Variants in PCNX4 observed in about 807,000 individuals in gnomAD.
PCNX4 encodes the protein pecanex-like protein 4.
PCNX4 carries 103 observed loss-of-function variants against 107.2 expected under a neutral mutation model. The ratio of observed to expected loss-of-function variants is 0.96; its 90% CI spans 0.82 to 1.13. The LOEUF is 1.13. Ranked by LOEUF, PCNX4 falls within the 50% of genes most tolerant of loss-of-function variation. The pLI is 0.00. For missense variants in PCNX4, 1,528 were observed against 1,379.4 expected (o/e 1.11, Z -1.71); for synonymous variants, 541 against 481.7 (o/e 1.12, Z -1.61).
intron 1 of PCNX4, among the ~76,000 whole-genome samples, chr14:60,103,357 T>G (rs75114074): frequency 0.03 from 4,534 of 152,298 alleles, 201 homozygotes; most frequent in East Asian, 0.15. Flanking sequence ...CAGAAGTGTT[T>G]TTTAATTTCA....
At chr14:60,110,997 A>G (rs576600611) in intron 2 of PCNX4, 3 of 167,158 alleles carry the variant, frequency 1.8e-5, no homozygotes, top group African/African-American at 7.2e-5. Flanking sequence ...GATGCCAAAG[A>G]GCTTGATGTC....
intron 1 of PCNX4, among the ~76,000 whole-genome samples, chr14:60,093,838 G>A (rs1481357104): frequency 2.0e-5 from 3 of 152,138 alleles, no homozygotes; most frequent in Non-Finnish European, 4.4e-5. Flanking sequence ...TTTCTCCACA[G>A]TCTCATGAAT....
At chr14:60,125,391 T>A in intron 9 of PCNX4, 140 bp downstream of exon 9, 1 of 980,744 alleles carries the variant, frequency 1.0e-6, no homozygotes, top group Middle Eastern at 3.2e-4. Context: ...GTTTCATGTG[T>A]AGTGTGATTG....
Position 60,118,642 on chromosome 14 carries a change from T to A in PCNX4, c.1892T>A (p.Val631Glu). Residue 631 changes from valine (V) to glutamate (E), a missense_variant, in exon 7 of 11, where the codon GTG (valine) becomes GAG (glutamate). By Grantham distance (121) the Val-to-Glu change is moderately radical. Coordinates refer to ENST00000406854, the MANE Select transcript of PCNX4 (RefSeq NM_001330177.2). ...CADTVYYYQM[V>E]PRLTAVLQTA... is the part of the protein sequence containing the mutation. ...GATACAGTGTACTACTACCAAATGG[T>A]GCCCAGGTTGACTGCTGTACTGCAG... is the stretch of plus-strand genomic sequence containing the variant. 6.2e-7 allele frequency: 1 copy of A among 1,613,088 alleles called. No homozygotes were observed.
rs1895303624 is a variant in PCNX4 at position 60,092,040 on chromosome 14, G to A, written c.-433G>A. 1 of 152,414 alleles carries A rather than the reference G, an allele frequency of 6.6e-6. No individual in the cohort carries two copies. The highest frequency in any genetic ancestry group is 2.4e-5 in the African/African-American group (1 of 41,484). 9.4% of individuals were successfully genotyped at this position (152,414 alleles called of 1,614,324 possible). On this transcript the variant is annotated 5_prime_UTR_variant, in exon 1 of 11. Coordinates refer to ENST00000406854, the MANE Select transcript of PCNX4 (RefSeq NM_001330177.2). ...GACTCCCGTCGTCCCCGGCCAGGCA[G>A]ATGTTGGCCTAGTCCTGGCGCGAAC...
chr14:60,098,990 C>G (rs1895481125), intron 1 of PCNX4, among the ~76,000 whole-genome samples: 1 of 151,928 alleles, frequency 6.6e-6, no homozygotes, highest in Non-Finnish European at 1.5e-5. Context: ...AGCTGTCTAT[C>G]CATGGCATGG....
chr14:60,095,683 C>A (rs1895410368), intron 1 of PCNX4, among the ~76,000 whole-genome samples: 1 of 151,666 alleles, frequency 6.6e-6, no homozygotes, highest in African/African-American at 2.4e-5. Flanking sequence ...TTGGTTTTTC[C>A]TCCCTTTTTT....
Position 60,125,151 on chromosome 14 carries a change from C to A in PCNX4, c.2980C>A (p.His994Asn). The change falls in exon 9 of 11, where the codon CAT (histidine) becomes AAT (asparagine). Residue 994 changes from histidine to asparagine, a missense_variant. Physicochemically the swap from His to Asn is moderately conservative, Grantham distance 68. Coordinates refer to ENST00000406854, the MANE Select transcript of PCNX4 (RefSeq NM_001330177.2). The stretch of plus-strand genomic sequence containing the variant: ...AGACAATATGGCTCCTAGTCCTGGT[C>A]ATATATTGAGAGTTTACGGTGGTGT... ...GIDNMAPSPG[H>N]ILRVYGGVLP... 2 of 1,612,624 alleles carry A rather than the reference C, an allele frequency of 1.2e-6. No individual in the cohort carries two copies. Among genetic ancestry groups the A allele is most frequent in the South Asian group, 2.2e-5 (2 of 90,908 alleles).
chr14:60,134,422 A>G lies in PCNX4; in HGVS notation c.*201A>G. 1.7e-6 allele frequency: 1 copy of G among 591,688 alleles called. No individual in the cohort carries two copies. Among genetic ancestry groups the G allele is most frequent in the Non-Finnish European group, 2.8e-6 (1 of 354,678 alleles). 36.7% of individuals were successfully genotyped at this position (591,688 alleles called of 1,614,324 possible). ...AAAAACATCTTTATGTCTAAGATAA[A>G]AGAACTATTTGGCCAATATTTGTGC... On this transcript the variant is annotated 3_prime_UTR_variant, in exon 11 of 11. Coordinates refer to ENST00000406854, the MANE Select transcript of PCNX4 (RefSeq NM_001330177.2).
At position 60,098,109 on chromosome 14, in the gene PCNX4, A is replaced by C. The variant is rs527481400; in HGVS notation, c.-54+5690A>C. On this transcript the variant is annotated intron_variant, in intron 1 of 10. Coordinates refer to ENST00000406854, the MANE Select transcript of PCNX4 (RefSeq NM_001330177.2). ...TCAGCATGAACATAAATCACACAAC[A>C]TCTCTGACCAGAAACATTCGAAACC... is the stretch of plus-strand genomic sequence containing the variant. Among the ~76,000 whole-genome samples the C allele has an allele frequency of 5.8e-4, 88 of 152,208 alleles. 2 individuals carry two copies. Among genetic ancestry groups the C allele is most frequent in the South Asian group, 2.1e-3 (10 of 4,822 alleles).
At chr14:60,113,932 G>T in intron 2 of PCNX4, among the ~76,000 whole-genome samples, 1 of 152,168 alleles carries the variant, frequency 6.6e-6, no homozygotes, top group South Asian at 2.1e-4. Context: ...ACTGTTAAGT[G>T]CTGTGCCAAG....
chr14:60,139,098 A>G lies in PCNX4; in HGVS notation c.*4877A>G, dbSNP rs1311196007. On this transcript the variant is annotated 3_prime_UTR_variant, in exon 11 of 11. Coordinates refer to ENST00000406854, the MANE Select transcript of PCNX4 (RefSeq NM_001330177.2). ...GAACAAATAGGACAAATAGAAATCA[A>G]ACAGTAGATTAGGAGGTTTAAATAT... The G allele has an allele frequency of 6.6e-6, 1 of 152,102 alleles. No homozygotes were observed. The highest frequency in any genetic ancestry group is 1.9e-4 in the East Asian group (1 of 5,200). The allele number at this position is 152,102 out of a possible 1,614,324, so 9.4% of individuals were successfully genotyped here. A position where few individuals can be genotyped will look rare whatever the true frequency, so the allele number is the denominator to read the frequency against.
At chr14:60,106,305 T>C (rs1179672456) in intron 1 of PCNX4, among the ~76,000 whole-genome samples, 1 of 152,218 alleles carries the variant, frequency 6.6e-6, no homozygotes, top group East Asian at 1.9e-4. Flanking sequence ...CCCTGTACTT[T>C]AAATCATCTC....
Position 60,142,091 on chromosome 14 carries a change from G to A in PCNX4, c.*7870G>A, listed in dbSNP as rs1402431092. 6.6e-6 allele frequency: 1 copy of A among 152,152 alleles called. No individual in the cohort carries two copies. Among genetic ancestry groups the A allele is most frequent in the South Asian group, 2.1e-4 (1 of 4,828 alleles). The allele number at this position is 152,152 out of a possible 1,614,324, so 9.4% of individuals were successfully genotyped here. ...GCACATCATTGGTTGCCTGGAATGGGGTGGGCGAGGGGAAATGATTACAAA... is the reference window on the plus strand; with the variant it reads ...GCACATCATTGGTTGCCTGGAATGGAGTGGGCGAGGGGAAATGATTACAAA... On this transcript the variant is annotated 3_prime_UTR_variant, in exon 11 of 11. Transcript: ENST00000406854. This position sits in a 1 kb window ranked among gnomAD's most constrained non-coding sequence, Gnocchi z 4.7.
intron 2 of PCNX4, 69 bp from the exon 3 acceptor site, chr14:60,114,626 GTTGCT>G: frequency 1.5e-6 from 2 of 1,291,430 alleles, no homozygotes. Context: ...GTTATTCTGT[GTTGCT>G]TTGCTTTTTC....
At chr14:60,116,105 CTATAA>C (rs1566513587) in intron 6 of PCNX4, 45 bp downstream of exon 6, 6 of 1,476,608 alleles carry the variant, frequency 4.1e-6, no homozygotes, top group Non-Finnish European at 5.5e-6. Flanking sequence ...ATTTTACATA[CTATAA>C]TATTTGTCCA....
intron 6 of PCNX4, 100 bp from the exon 7 acceptor site, chr14:60,118,229 G>A: frequency 2.3e-6 from 3 of 1,309,552 alleles, no homozygotes; most frequent in Non-Finnish European, 2.0e-6. Context: ...AAAAATACTG[G>A]GGCAATAATA....
At chr14:60,096,472 A>T (rs937033940) in intron 1 of PCNX4, among the ~76,000 whole-genome samples, 3 of 152,240 alleles carry the variant, frequency 2.0e-5, no homozygotes, top group African/African-American at 7.2e-5. Context: ...TGTGTCCAAC[A>T]AGATTGTAAA....
intron 1 of PCNX4, among the ~76,000 whole-genome samples, chr14:60,099,334 A>G (rs1177267293): frequency 1.3e-5 from 2 of 152,228 alleles, no homozygotes. Flanking sequence ...TTTGTAAAAT[A>G]CTTTTTAGGA....
Sources: allele counts gnomAD v4.1 joint callset (sites outside exome capture counted in the v4.1 genomes callset), GRCh38; gene constraint gnomAD v4.1.1; non-coding constraint Gnocchi (gnomAD v3.1); transcripts MANE v1.5; gene names NCBI Gene and HGNC (gene_info 2026-07-23, HGNC 2026-07-21).